The following SGO2 variants were observed in gnomAD, a reference collection of about 807,000 sequenced individuals.
The protein encoded by SGO2 is shugoshin 2.
Under a neutral mutation model 99.5 loss-of-function variants are expected in SGO2, and 68 were observed. That is an observed-to-expected ratio of 0.68 (90% confidence interval 0.56 to 0.84). The LOEUF (loss-of-function observed/expected upper bound fraction) is 0.84, where lower values mean the gene tolerates loss of function less well. SGO2 is among the 40% of genes least tolerant of loss of function. The pLI is 0.00. For synonymous variants in SGO2, 457 were observed against 487.1 expected, an observed-to-expected ratio of 0.94 and a Z score of 0.81; for missense variants, 1,350 against 1,436.7, an observed-to-expected ratio of 0.94 and a Z score of 0.97.
intron 5 of SGO2, among the ~76,000 whole-genome samples, chr2:200,560,610 A>G (rs2032901743): frequency 1.3e-5 from 2 of 152,290 alleles, no homozygotes; most frequent in Admixed American, 6.5e-5. Flanking sequence ...TTCCTAAAAA[A>G]AAATTCCACT....
chr2:200,546,071 T>C (rs946613163), intron 5 of SGO2, among the ~76,000 whole-genome samples: 1 of 151,932 alleles, frequency 6.6e-6, no homozygotes, highest in African/African-American at 2.4e-5. Context: ...ACCTCCCCCA[T>C]TTTGGGACAG....
chr2:200,571,905 A>G lies in SGO2; in HGVS notation c.1559A>G (p.Asp520Gly), dbSNP rs1425658803. Residue 520 changes from aspartate to glycine, a missense_variant, in exon 7 of 9, where the codon GAT becomes GGT. Physicochemically the swap from Asp to Gly is moderately conservative, Grantham distance 94 (BLOSUM62 -1). Coordinates refer to ENST00000357799, the MANE Select transcript of SGO2 (RefSeq NM_152524.6). ...AAATTTCACCAGGAGAGTAAATTTG[A>G]TAAGGGTCAGAATTCCCTAACTTGT... ...SGKFHQESKF[D>G]KGQNSLTCNK... 2 of 1,613,654 alleles carry G rather than the reference A, an allele frequency of 1.2e-6. No homozygotes were observed. The highest frequency in any genetic ancestry group is 1.7e-4 in the Middle Eastern group (1 of 6,058).
chr2:200,541,648 A>T (rs1285061716), intron 4 of SGO2, among the ~76,000 whole-genome samples: 1 of 152,202 alleles, frequency 6.6e-6, no homozygotes, highest in Non-Finnish European at 1.5e-5. Flanking sequence ...AAAGAATATG[A>T]AACAGGATGG....
chr2:200,570,968 C>T lies in SGO2; in HGVS notation c.704-82C>T. On this transcript the variant is annotated intron_variant, in intron 6 of 8. Coordinates refer to ENST00000357799, the MANE Select transcript of SGO2 (RefSeq NM_152524.6). The surrounding 1 kb of genome is among the most constrained non-coding windows in gnomAD (Gnocchi z 4.4). ...GTCAGAAATTATATCTGTGAAACAG[C>T]TTGATTTCGAATCTAATTTGTTTAA... 1 of 1,275,240 alleles carries T rather than the reference C, an allele frequency of 7.8e-7. No individual in the cohort carries two copies. The highest frequency in any genetic ancestry group is 1.1e-6 in the Non-Finnish European group (1 of 932,916). The allele number at this position is 1,275,240 out of a possible 1,614,324, so 79.0% of individuals were successfully genotyped here.
At chr2:200,548,717 G>C (rs2032342975) in intron 5 of SGO2, among the ~76,000 whole-genome samples, 1 of 152,020 alleles carries the variant, frequency 6.6e-6, no homozygotes, top group Admixed American at 6.6e-5. Context: ...GCTAGACTGA[G>C]AGAGAGGACT....
chr2:200,527,041 C>T (rs551519622), intron 1 of SGO2, among the ~76,000 whole-genome samples: 3 of 152,246 alleles, frequency 2.0e-5, no homozygotes, highest in Admixed American at 2.0e-4. Context: ...GGAACTGGAG[C>T]TCCAACACAG....
intron 5 of SGO2, among the ~76,000 whole-genome samples, chr2:200,554,611 A>C (rs544058033): frequency 6.6e-6 from 1 of 152,356 alleles, no homozygotes; most frequent in East Asian, 1.9e-4. Flanking sequence ...ACAATTTTAC[A>C]TAACAGTTAT....
rs1284617835 is a variant in SGO2 at position 200,571,850 on chromosome 2, G to A, written c.1504G>A (p.Glu502Lys). Residue 502 changes from glutamate to lysine, a missense_variant, in exon 7 of 9, where the codon GAA (glutamate) becomes AAA (lysine). By Grantham distance (56) the Glu-to-Lys change is moderately conservative (BLOSUM62 1). Transcript: ENST00000357799. The stretch of plus-strand genomic sequence containing the variant: ...GAAAAGAATAACAAATGAGCAAGAG[G>A]AAACATACTCTTTATCCCAAAGTTC... ...KEKRITNEQE[E>K]TYSLSQSSGK... is the part of the protein sequence containing the mutation. 2 of 1,613,396 alleles carry A rather than the reference G, an allele frequency of 1.2e-6. No individual in the cohort carries two copies. Among genetic ancestry groups the A allele is most frequent in the South Asian group, 2.2e-5 (2 of 90,970 alleles).
At position 200,578,070 on chromosome 2, in the gene SGO2, G is replaced by A. The variant is rs537303481; in HGVS notation, c.3782+2609G>A. On this transcript the variant is annotated intron_variant, in intron 8 of 8. Transcript: ENST00000357799. ...CTTGCCTGCAACAGTACTACTGTGG[G>A]TACTACTAGTAGTGATTTTTGATTT... Among the ~76,000 whole-genome samples the A allele has an allele frequency of 7.6e-4, 116 of 152,016 alleles. 1 individual carries two copies. Among genetic ancestry groups the A allele is most frequent in the African/African-American group, 2.6e-3 (106 of 41,454 alleles).
intron 5 of SGO2, among the ~76,000 whole-genome samples, chr2:200,560,199 T>A (rs898570957): frequency 2.6e-5 from 4 of 152,196 alleles, no homozygotes; most frequent in Non-Finnish European, 5.9e-5. Flanking sequence ...TTGCTATATG[T>A]ATTTTAAAGC....
intron 2 of SGO2, among the ~76,000 whole-genome samples, chr2:200,534,078 GT>G (rs1484734057): frequency 2.0e-5 from 3 of 152,130 alleles, no homozygotes; most frequent in African/African-American, 7.2e-5. Flanking sequence ...GTAAAGTACT[GT>G]TTTGGACTCT....
At position 200,550,811 on chromosome 2, in the gene SGO2, A is replaced by G. The variant is rs569500820; in HGVS notation, c.473+8147A>G. On this transcript the variant is annotated intron_variant, in intron 5 of 8. Transcript: ENST00000357799. ...TGTGTAAGACCTCAAAAGCACAGGC[A>G]ACCAAAGCAAAAATAGACAACTAAG... is the stretch of plus-strand genomic sequence containing the variant. 4.6e-5 allele frequency among the ~76,000 whole-genome samples: 7 copies of G among 152,276 alleles called. No individual in the cohort carries two copies. The East Asian group carries it at 7.7e-4, about 17-fold the overall frequency.
intron 5 of SGO2, among the ~76,000 whole-genome samples, chr2:200,559,265 G>A (rs745460552): frequency 5.9e-5 from 9 of 152,048 alleles, no homozygotes; most frequent in Non-Finnish European, 1.3e-4. Context: ...TGTGTTTTGG[G>A]TATGTAGTGA....
chr2:200,539,568 G>A (rs1482857918), intron 4 of SGO2, among the ~76,000 whole-genome samples: 2 of 151,840 alleles, frequency 1.3e-5, no homozygotes, highest in East Asian at 3.9e-4. Context: ...CTAACTTTGA[G>A]TCAATGCTTT....
intron 5 of SGO2, among the ~76,000 whole-genome samples, chr2:200,546,795 G>C (rs1310751572): frequency 2.6e-5 from 4 of 152,122 alleles, no homozygotes; most frequent in Non-Finnish European, 5.9e-5. Flanking sequence ...GAATCAGTGA[G>C]CTGGCTATTT....
At chr2:200,566,849 G>T (rs2715901) in intron 5 of SGO2, among the ~76,000 whole-genome samples, 33,135 of 152,198 alleles carry the variant, frequency 0.22, 3,724 homozygotes, top group South Asian at 0.32. Flanking sequence ...GAGGCTCCGT[G>T]GGCGTGGGAC....
chr2:200,551,577 TC>T (rs1475269461), intron 5 of SGO2, among the ~76,000 whole-genome samples: 2 of 152,302 alleles, frequency 1.3e-5, no homozygotes, highest in East Asian at 3.9e-4. Flanking sequence ...AAGGAATATT[TC>T]TATTGATTGC....
At chr2:200,577,186 C>T (rs549325395) in intron 8 of SGO2, among the ~76,000 whole-genome samples, 2 of 152,236 alleles carry the variant, frequency 1.3e-5, no homozygotes, top group South Asian at 4.1e-4. Context: ...TTTATCTTTA[C>T]CAACACTTGT....
At chr2:200,583,368 A>G in intron 8 of SGO2, 81 bp from the exon 9 acceptor site, 1 of 1,244,638 alleles carries the variant, frequency 8.0e-7, no homozygotes, top group Non-Finnish European at 1.1e-6. Flanking sequence ...TGATATGATG[A>G]AACAATTTTC....
Sources: gnomAD v4.1 joint callset for allele counts (sites outside exome capture counted in the v4.1 genomes callset) on GRCh38, gnomAD v4.1.1 for gene constraint, Gnocchi (gnomAD v3.1) non-coding constraint, MANE v1.5 for transcripts, NCBI Gene and HGNC (gene_info 2026-07-23, HGNC 2026-07-21) for gene names.